FSTL5: variants seen among roughly 807,000 people sequenced by gnomAD.
FSTL5 encodes the protein follistatin-related protein 5.
A neutral mutation model predicts 89.1 loss-of-function variants in FSTL5; 62 were observed. That is an observed-to-expected ratio of 0.70 (90% CI 0.57 to 0.86). FSTL5 has a LOEUF of 0.86. Ranked by LOEUF, FSTL5 falls within the 40% of genes least tolerant of loss-of-function variation. The pLI is 0.00. For synonymous variants in FSTL5, 383 were observed against 346.2 expected (o/e 1.11, Z -1.18); for missense variants, 1,057 against 1,001.6 (o/e 1.06, Z -0.75).
intron 10 of FSTL5, among the ~76,000 whole-genome samples, chr4:161,528,069 C>T (rs987246640): frequency 4.1e-5 from 6 of 147,724 alleles, no homozygotes; most frequent in Non-Finnish European, 7.4e-5. Context: ...ACGGCATATT[C>T]TCACTCATAG....
intron 4 of FSTL5, among the ~76,000 whole-genome samples, chr4:161,838,062 A>G (rs561990054): frequency 6.6e-6 from 1 of 152,320 alleles, no homozygotes; most frequent in Admixed American, 6.5e-5. Flanking sequence ...AGTGGATTCA[A>G]CAAGATATAT....
At chr4:161,596,320 TA>T (rs2126617706) in intron 7 of FSTL5, among the ~76,000 whole-genome samples, 1 of 152,012 alleles carries the variant, frequency 6.6e-6, no homozygotes, top group East Asian at 1.9e-4. Flanking sequence ...AAAATTGATT[TA>T]AATATGCAAT....
intron 4 of FSTL5, among the ~76,000 whole-genome samples, chr4:161,829,895 C>T (rs1187608129): frequency 1.3e-5 from 2 of 152,018 alleles, no homozygotes; most frequent in Admixed American, 1.3e-4. Flanking sequence ...GGAACAAACA[C>T]ATTTTGCAAT....
Position 161,973,668 on chromosome 4 carries a change from C to T in FSTL5, c.161-53016G>A, listed in dbSNP as rs536128577. ...GTCTCATGAGAAATTCTCCCACTTG[C>T]GGTGATGTTAGGAAAGTTACATCAC... On this transcript the variant is annotated intron_variant, in intron 3 of 15. Transcript: ENST00000306100. 9.2e-5 allele frequency among the ~76,000 whole-genome samples: 14 copies of T among 152,194 alleles called. No individual in the cohort carries two copies. The South Asian group carries it at 1.0e-3, about 11-fold the overall frequency.
chr4:161,482,820 A>G (rs1460955947), intron 12 of FSTL5, among the ~76,000 whole-genome samples: 1 of 152,230 alleles, frequency 6.6e-6, no homozygotes, highest in African/African-American at 2.4e-5. Context: ...TAATTCAGGA[A>G]GGCTCTGGAG....
At chr4:161,440,486 AT>A (rs1732724459) in intron 15 of FSTL5, among the ~76,000 whole-genome samples, 1 of 152,106 alleles carries the variant, frequency 6.6e-6, no homozygotes, top group Non-Finnish European at 1.5e-5. Flanking sequence ...AAAGTCCCGC[AT>A]TCAAAGGGTT....
At chr4:162,020,932 CT>C (rs1276053522) in intron 3 of FSTL5, among the ~76,000 whole-genome samples, 1 of 151,908 alleles carries the variant, frequency 6.6e-6, no homozygotes, top group African/African-American at 2.4e-5. Context: ...TTTAATTTTA[CT>C]TTTTAAATGT....
intron 15 of FSTL5, among the ~76,000 whole-genome samples, chr4:161,441,149 T>A (rs755253964): frequency 1.1e-4 from 16 of 152,076 alleles, no homozygotes; most frequent in Non-Finnish European, 1.9e-4. Context: ...CTAAGGCACA[T>A]CCCAGGAGTA....
At chr4:162,136,193 T>TACATAATGA (rs1167432465) in intron 1 of FSTL5, among the ~76,000 whole-genome samples, 2 of 152,240 alleles carry the variant, frequency 1.3e-5, no homozygotes, top group East Asian at 3.9e-4. Flanking sequence ...AAATATTTTC[T>TACATAATGA]ACATAATGAA....
At chr4:161,937,984 A>G (rs1038537034) in intron 3 of FSTL5, among the ~76,000 whole-genome samples, 1 of 152,066 alleles carries the variant, frequency 6.6e-6, no homozygotes, top group Non-Finnish European at 1.5e-5. Flanking sequence ...ACTACCACTC[A>G]TCATATAGGT....
At chr4:161,698,301 A>G (rs932612625) in intron 6 of FSTL5, among the ~76,000 whole-genome samples, 1 of 152,194 alleles carries the variant, frequency 6.6e-6, no homozygotes, top group South Asian at 2.1e-4. Context: ...AAACAAACAA[A>G]CAAACAAAAA....
intron 6 of FSTL5, among the ~76,000 whole-genome samples, chr4:161,719,255 T>C (rs1404346361): frequency 1.3e-5 from 2 of 152,196 alleles, no homozygotes. Context: ...TAACCACAAC[T>C]TTATGGTTTT....
chr4:161,429,561 T>C (rs1347291525), intron 15 of FSTL5, among the ~76,000 whole-genome samples: 2 of 152,180 alleles, frequency 1.3e-5, no homozygotes, highest in Non-Finnish European at 2.9e-5. Flanking sequence ...AAAGAGTCTC[T>C]GCCCAGTAAT....
At chr4:162,040,287 A>G (rs1228006010) in intron 2 of FSTL5, among the ~76,000 whole-genome samples, 1 of 152,138 alleles carries the variant, frequency 6.6e-6, no homozygotes, top group Non-Finnish European at 1.5e-5. Context: ...TGTTAGACCC[A>G]CTAAGTAATA....
At chr4:161,900,476 TA>T (rs1336756875) in intron 4 of FSTL5, among the ~76,000 whole-genome samples, 4 of 150,902 alleles carry the variant, frequency 2.7e-5, no homozygotes, top group Admixed American at 1.3e-4. Flanking sequence ...CTGCCTCTAC[TA>T]AAAACACAAA....
At chr4:162,047,767 G>A (rs1189615090) in intron 2 of FSTL5, among the ~76,000 whole-genome samples, 1 of 152,020 alleles carries the variant, frequency 6.6e-6, no homozygotes, top group African/African-American at 2.4e-5. Flanking sequence ...GGAGGTTGCA[G>A]TGAGCTGAGA....
intron 7 of FSTL5, among the ~76,000 whole-genome samples, chr4:161,621,827 CAA>C (rs58143952): frequency 0.023 from 2,041 of 90,314 alleles, 16 homozygotes; most frequent in Non-Finnish European, 0.028. Flanking sequence ...TCTAAAAATA[CAA>C]AAAAAAAAAA....
chr4:161,498,130 T>C (rs1730154718), intron 12 of FSTL5, among the ~76,000 whole-genome samples: 1 of 151,904 alleles, frequency 6.6e-6, no homozygotes, highest in Non-Finnish European at 1.5e-5. Flanking sequence ...ACATATTTAA[T>C]TGGATACATA....
intron 15 of FSTL5, among the ~76,000 whole-genome samples, chr4:161,394,509 T>G (rs1489114275): frequency 6.6e-6 from 1 of 152,136 alleles, no homozygotes; most frequent in Non-Finnish European, 1.5e-5. Flanking sequence ...TCCCCTGACC[T>G]CGTGATCTGT....
Sources: allele counts gnomAD v4.1 joint callset (sites outside exome capture counted in the v4.1 genomes callset), GRCh38; gene constraint gnomAD v4.1.1; transcripts MANE v1.5; gene names NCBI Gene and HGNC (gene_info 2026-07-23, HGNC 2026-07-21).